Variants in GRID2 observed in about 807,000 individuals in gnomAD.
The protein encoded by GRID2 is glutamate receptor ionotropic, delta-2.
A neutral mutation model predicts 114.8 loss-of-function variants in GRID2; 33 were observed. The ratio of observed to expected loss-of-function variants is 0.29; its 90% CI spans 0.22 to 0.38. The LOEUF is 0.38. GRID2 is among the 10% of genes least tolerant of loss of function. The probability of loss-of-function intolerance (pLI) is 1.00; values close to 1 mark genes in which losing one functional copy is unlikely to be tolerated. For synonymous variants in GRID2, 505 were observed against 449.9 expected (o/e 1.12, Z -1.55); for missense variants, 1,184 against 1,257.7 (o/e 0.94, Z 0.89).
intron 14 of GRID2, among the ~76,000 whole-genome samples, chr4:93,731,604 A>G (rs780333887): frequency 4.6e-5 from 7 of 152,208 alleles, no homozygotes; most frequent in Non-Finnish European, 1.0e-4. Flanking sequence ...GGCAGGGAAG[A>G]GAAAAAGCCC....
chr4:93,258,871 A>G (rs1220259430), intron 8 of GRID2: 1 of 453,866 alleles, frequency 2.2e-6, no homozygotes, highest in Non-Finnish European at 4.4e-6. Flanking sequence ...AGATTCATTT[A>G]TTATCCTCTC....
At chr4:92,797,150 A>G (rs548593337) in intron 2 of GRID2, among the ~76,000 whole-genome samples, 5 of 152,046 alleles carry the variant, frequency 3.3e-5, no homozygotes, top group African/African-American at 1.2e-4. Context: ...GCTTCTTGGG[A>G]ACACTTCTAG....
intron 1 of GRID2, among the ~76,000 whole-genome samples, chr4:92,315,253 A>G (rs992995): frequency 0.47 from 70,962 of 151,942 alleles, 18,675 homozygotes; most frequent in East Asian, 0.77. Context: ...ATTTCATCAT[A>G]TGGAAACAAT....
At chr4:93,207,818 A>G (rs1018300266) in intron 5 of GRID2, among the ~76,000 whole-genome samples, 1 of 151,896 alleles carries the variant, frequency 6.6e-6, no homozygotes, top group Non-Finnish European at 1.5e-5. Flanking sequence ...TGTTGTTTCT[A>G]GAACTGTTAT....
intron 1 of GRID2, among the ~76,000 whole-genome samples, chr4:92,398,291 CTATTAT>C (rs765676727): frequency 2.0e-5 from 3 of 152,016 alleles, no homozygotes; most frequent in East Asian, 1.9e-4. Flanking sequence ...TATTATTTCA[CTATTAT>C]TATTATTATT....
chr4:93,189,998 G>A (rs1740831462), intron 4 of GRID2, among the ~76,000 whole-genome samples: 1 of 151,902 alleles, frequency 6.6e-6, no homozygotes, highest in South Asian at 2.1e-4. Context: ...TGCCCTCTTT[G>A]GATGAGCATA....
At chr4:93,091,373 G>A (rs898548165) in intron 3 of GRID2, among the ~76,000 whole-genome samples, 3 of 152,120 alleles carry the variant, frequency 2.0e-5, no homozygotes, top group Non-Finnish European at 4.4e-5. Context: ...GTCGTGAATA[G>A]AGCCATCTGG....
chr4:92,795,772 C>A (rs542670899), intron 2 of GRID2, among the ~76,000 whole-genome samples: 1 of 152,104 alleles, frequency 6.6e-6, no homozygotes, highest in South Asian at 2.1e-4. Flanking sequence ...TCTTCTGCAT[C>A]TTTTTCCTCA....
chr4:92,976,154 T>G (rs1753858373), intron 2 of GRID2, among the ~76,000 whole-genome samples: 1 of 152,124 alleles, frequency 6.6e-6, no homozygotes, highest in African/African-American at 2.4e-5. Context: ...TATAAATATT[T>G]CACCTTGGTC....
At chr4:93,230,430 G>T (rs1421835785) in intron 7 of GRID2, among the ~76,000 whole-genome samples, 1 of 152,046 alleles carries the variant, frequency 6.6e-6, no homozygotes, top group African/African-American at 2.4e-5. Flanking sequence ...CATACCAGGA[G>T]CATTATCTGA....
At chr4:92,589,775 A>G (rs1321227004) in intron 1 of GRID2, among the ~76,000 whole-genome samples, 1 of 152,186 alleles carries the variant, frequency 6.6e-6, no homozygotes, top group Non-Finnish European at 1.5e-5. Flanking sequence ...ATTTCCTTTT[A>G]TTCAGAAAAG....
chr4:93,626,900 A>G (rs1388884006), intron 14 of GRID2, among the ~76,000 whole-genome samples: 1 of 152,200 alleles, frequency 6.6e-6, no homozygotes, highest in East Asian at 1.9e-4. Flanking sequence ...TTTCAAAGGA[A>G]ATGGTTAAGA....
At chr4:92,704,771 C>A (rs1221198699) in intron 2 of GRID2, among the ~76,000 whole-genome samples, 4 of 139,630 alleles carry the variant, frequency 2.9e-5, no homozygotes, top group African/African-American at 1.0e-4. Flanking sequence ...CTCTGCCCCT[C>A]CCTCCCTCCC....
intron 15 of GRID2, among the ~76,000 whole-genome samples, chr4:93,770,849 C>A (rs1734052839): frequency 6.6e-6 from 1 of 152,070 alleles, no homozygotes; most frequent in Non-Finnish European, 1.5e-5. Context: ...GACTACATTA[C>A]AGTTGCTGTG....
At chr4:93,578,587 A>ATTTTTTTTTTTTTTTTTTTTTTTTT (rs59397408) in intron 13 of GRID2, among the ~76,000 whole-genome samples, 3 of 83,930 alleles carry the variant, frequency 3.6e-5, no homozygotes, top group African/African-American at 1.0e-4. Flanking sequence ...TGTTTTTTGT[A>ATTTTTTTTTTTTTTTTTTTTTTTTT]TTTTTTTTTT....
intron 4 of GRID2, among the ~76,000 whole-genome samples, chr4:93,112,821 T>C (rs561700069): frequency 1.3e-5 from 2 of 152,282 alleles, no homozygotes; most frequent in African/African-American, 2.4e-5. Context: ...ATGAATTCTT[T>C]TTCCAATGTC....
intron 14 of GRID2, among the ~76,000 whole-genome samples, chr4:93,655,529 T>C (rs1722924762): frequency 6.6e-6 from 1 of 152,096 alleles, no homozygotes. Context: ...AATTATAAAG[T>C]AAGAAAATTG....
intron 1 of GRID2, among the ~76,000 whole-genome samples, chr4:92,580,392 A>T (rs1296575954): frequency 7.0e-6 from 1 of 142,772 alleles, no homozygotes; most frequent in Non-Finnish European, 1.6e-5. Context: ...TGAGATTTAT[A>T]TTGGAAGAGT....
chr4:92,400,937 A>T (rs1730758269), intron 1 of GRID2, among the ~76,000 whole-genome samples: 1 of 152,094 alleles, frequency 6.6e-6, no homozygotes, highest in South Asian at 2.1e-4. Context: ...AAATTTTTAA[A>T]TTTATCTTTT....
Sources: allele counts gnomAD v4.1 joint callset (sites outside exome capture counted in the v4.1 genomes callset), GRCh38; gene constraint gnomAD v4.1.1; transcripts MANE v1.5; gene names NCBI Gene and HGNC (gene_info 2026-07-23, HGNC 2026-07-21).